The following GRIN2B variants were observed in gnomAD, a reference collection of about 807,000 sequenced individuals.
GRIN2B encodes glutamate receptor ionotropic, NMDA 2B.
In GRIN2B, 5 loss-of-function variants were observed where a neutral mutation model predicts 114.5. That is an observed-to-expected ratio of 0.04 (90% CI 0.02 to 0.09). The LOEUF (loss-of-function observed/expected upper bound fraction) is 0.09. Ranked by LOEUF, GRIN2B falls within the 10% of genes least tolerant of loss-of-function variation. GRIN2B has a pLI of 1.00. For missense variants in GRIN2B, 1,108 were observed against 1,943.5 expected, an observed-to-expected ratio of 0.57 and a Z score of 8.08; for synonymous variants, 787 against 745.1, an observed-to-expected ratio of 1.06 and a Z score of -0.92.
intron 4 of GRIN2B, among the ~76,000 whole-genome samples, chr12:13,704,689 C>T (rs1950343332): frequency 6.6e-6 from 1 of 152,066 alleles, no homozygotes; most frequent in South Asian, 2.1e-4. Context: ...TTCTTCTCCC[C>T]ATGGCTGCAT....
chr12:13,979,627 CCTGG>C (rs1252612049), intron 2 of GRIN2B, among the ~76,000 whole-genome samples: 1 of 151,936 alleles, frequency 6.6e-6, no homozygotes, highest in Non-Finnish European at 1.5e-5. Context: ...ACACAGGTCT[CCTGG>C]CTGGCTATGT....
chr12:13,814,202 A>G (rs1864779350), intron 3 of GRIN2B, among the ~76,000 whole-genome samples: 1 of 152,228 alleles, frequency 6.6e-6, no homozygotes, highest in Non-Finnish European at 1.5e-5. Flanking sequence ...AAACTCTTAC[A>G]AAAGATGTGA....
In GRIN2B at chr12:13,555,900, C is replaced by T. The variant is rs931062886; in HGVS notation, c.*6883G>A. 6.6e-6 allele frequency: 1 copy of T among 152,186 alleles called. No homozygotes were observed. Among genetic ancestry groups the T allele is most frequent in the South Asian group, 2.1e-4 (1 of 4,822 alleles). The allele number at this position is 152,186 out of a possible 1,614,324, so 9.4% of individuals were successfully genotyped here. A position where few individuals can be genotyped will look rare whatever the true frequency, so the allele number is the denominator to read the frequency against. ...GCTCTTCACGTAGGTTTAAGACTTG[C>T]TCTTCTTGGGGATGCAATGAATGAC... On this transcript the variant is annotated 3_prime_UTR_variant, in exon 14 of 14. Coordinates refer to ENST00000609686, the MANE Select transcript of GRIN2B (RefSeq NM_000834.5).
intron 2 of GRIN2B, among the ~76,000 whole-genome samples, chr12:13,965,388 T>C (rs1591644803): frequency 6.6e-6 from 1 of 152,348 alleles, no homozygotes; most frequent in South Asian, 2.1e-4. Context: ...TTTTCCCAAA[T>C]GGCAGCCTTT....
In GRIN2B at chr12:13,756,283, G is replaced by A. The variant is rs1863575328; in HGVS notation, c.412-2368C>T. On this transcript the variant is annotated intron_variant, in intron 3 of 13. Coordinates refer to ENST00000609686, the MANE Select transcript of GRIN2B (RefSeq NM_000834.5). ...CCTGCCTCAGCCTCCCAAAGTGCTGGGATTACAGGCGTGAGCTACTGCGCC... is the reference window on the plus strand; with the variant it reads ...CCTGCCTCAGCCTCCCAAAGTGCTGAGATTACAGGCGTGAGCTACTGCGCC... 2.0e-5 allele frequency among the ~76,000 whole-genome samples: 3 copies of A among 152,134 alleles called. No homozygotes were observed. In the South Asian group the frequency reaches 6.2e-4, roughly 32 times the overall value.
chr12:13,693,267 G>C (rs1469110510), intron 4 of GRIN2B, among the ~76,000 whole-genome samples: 1 of 152,054 alleles, frequency 6.6e-6, no homozygotes, highest in Admixed American at 6.5e-5. Context: ...CAGTTTCCAA[G>C]ACCCTATCGA....
intron 10 of GRIN2B, among the ~76,000 whole-genome samples, chr12:13,596,202 C>T (rs947970633): frequency 3.3e-5 from 5 of 152,152 alleles, no homozygotes; most frequent in Non-Finnish European, 7.4e-5. Flanking sequence ...TAACACCCAG[C>T]TCAACATCTC....
chr12:13,564,751 G>T lies in GRIN2B; in HGVS notation c.2599-112C>A. 1 of 968,742 alleles carries T rather than the reference G, an allele frequency of 1.0e-6. No individual in the cohort carries two copies. The highest frequency in any genetic ancestry group is 1.7e-6 in the Non-Finnish European group (1 of 605,932). 60.0% of individuals were successfully genotyped at this position (968,742 alleles called of 1,614,324 possible). On this transcript the variant is annotated intron_variant, in intron 13 of 13. Coordinates refer to ENST00000609686, the MANE Select transcript of GRIN2B (RefSeq NM_000834.5). This position sits in a 1 kb window ranked among gnomAD's most constrained non-coding sequence, Gnocchi z 4.8. ...ACTGGATAAGAAAAAGGGAAAGCAT[G>T]AAGCGAATAGTCTAATATACTATTA...
chr12:13,547,981 A>ATATATATATATTTTTTTTTTTTTT lies in GRIN2B; in HGVS notation c.*14801_*14802insAAAAAAAAAAAAAATATATATATA. On this transcript the variant is annotated 3_prime_UTR_variant, in exon 14 of 14. Transcript: ENST00000609686. Reference sequence around the variant, plus strand: ...TGTGTATATATATATATATATATATATTTTTTTTTTTTTTCTGAAAGCTAC... The same window carrying ATATATATATATTTTTTTTTTTTTT: ...TGTGTATATATATATATATATATATATATATATATATTTTTTTTTTTTTTTTTTTTTTTTTTTTCTGAAAGCTAC... 3.1e-4 allele frequency: 21 copies of ATATATATATATTTTTTTTTTTTTT among 68,574 alleles called. No homozygotes were observed. The highest frequency in any genetic ancestry group is 1.5e-3 in the South Asian group (2 of 1,376). 4.2% of individuals were successfully genotyped at this position (68,574 alleles called of 1,614,324 possible).
chr12:13,751,935 G>A (rs918525803), intron 4 of GRIN2B, among the ~76,000 whole-genome samples: 1 of 152,068 alleles, frequency 6.6e-6, no homozygotes, highest in Admixed American at 6.6e-5. Flanking sequence ...AAACCAGAGA[G>A]GTAGAAGAAA....
intron 3 of GRIN2B, among the ~76,000 whole-genome samples, chr12:13,855,072 G>A (rs1865637270): frequency 1.4e-5 from 1 of 72,434 alleles, no homozygotes; most frequent in African/African-American, 6.1e-5. Flanking sequence ...AAAAAAAATT[G>A]CCTGGCGTGG....
At chr12:13,651,880 TA>T (rs1333208576) in intron 5 of GRIN2B, among the ~76,000 whole-genome samples, 1 of 152,120 alleles carries the variant, frequency 6.6e-6, no homozygotes, top group African/African-American at 2.4e-5. Context: ...TCCTCATCTA[TA>T]AAACTAGGAT....
intron 4 of GRIN2B, among the ~76,000 whole-genome samples, chr12:13,726,865 G>A (rs906610197): frequency 1.3e-5 from 2 of 151,818 alleles, no homozygotes; most frequent in African/African-American, 4.8e-5. Context: ...TCATTCTTAT[G>A]CCTTTGCATC....
intron 4 of GRIN2B, among the ~76,000 whole-genome samples, chr12:13,676,693 C>T (rs747883706): frequency 1.3e-5 from 2 of 152,158 alleles, no homozygotes; most frequent in Non-Finnish European, 2.9e-5. Flanking sequence ...AGCCTAGAGT[C>T]TCCCTCTATC....
chr12:13,570,084 T>G (rs1296543273), intron 11 of GRIN2B, 67 bp from the exon 12 acceptor site: 3 of 1,081,208 alleles, frequency 2.8e-6, no homozygotes, highest in Non-Finnish European at 4.3e-6. Flanking sequence ...GTGGGGCCAT[T>G]AATATGAAGC....
At chr12:13,783,952 G>T (rs1187301014) in intron 3 of GRIN2B, among the ~76,000 whole-genome samples, 1 of 151,972 alleles carries the variant, frequency 6.6e-6, no homozygotes, top group Non-Finnish European at 1.5e-5. Flanking sequence ...GGCCGGGCGC[G>T]GTGGCTCATG....
intron 3 of GRIN2B, among the ~76,000 whole-genome samples, chr12:13,855,776 C>T (rs1323121725): frequency 1.3e-5 from 2 of 152,138 alleles, no homozygotes; most frequent in Non-Finnish European, 2.9e-5. Flanking sequence ...ACCCTTTATC[C>T]AAATAAGGTC....
intron 3 of GRIN2B, among the ~76,000 whole-genome samples, chr12:13,846,050 T>C (rs2136721217): frequency 6.6e-6 from 1 of 152,348 alleles, no homozygotes; most frequent in Non-Finnish European, 1.5e-5. Context: ...ATGGACATCA[T>C]ACCAGAAACT....
At chr12:13,847,800 A>G (rs1865494888) in intron 3 of GRIN2B, among the ~76,000 whole-genome samples, 1 of 152,162 alleles carries the variant, frequency 6.6e-6, no homozygotes, top group African/African-American at 2.4e-5. Flanking sequence ...GAGGGCAGGG[A>G]AAAGCAGCTG....
Sources: gnomAD v4.1 joint callset for allele counts (sites outside exome capture counted in the v4.1 genomes callset) on GRCh38, gnomAD v4.1.1 for gene constraint, Gnocchi (gnomAD v3.1) non-coding constraint, MANE v1.5 for transcripts, NCBI Gene and HGNC (gene_info 2026-07-23, HGNC 2026-07-21) for gene names.